Variants in WDR48 observed in about 807,000 individuals in gnomAD.
WDR48 encodes WD repeat domain 48.
In WDR48, 22 loss-of-function variants were observed where a neutral mutation model predicts 94.0. That is an observed-to-expected ratio of 0.23 (90% CI 0.17 to 0.33). The LOEUF is 0.33. WDR48 is among the 10% of genes least tolerant of loss of function. WDR48 has a pLI of 1.00. For missense variants in WDR48, 541 were observed against 813.8 expected (o/e 0.66, Z 4.08); for synonymous variants, 278 against 280.5 (o/e 0.99, Z 0.09).
At chr3:39,052,253 C>A in intron 1 of WDR48, 180 bp downstream of exon 1, 1 of 702,544 alleles carries the variant, frequency 1.4e-6, no homozygotes, top group Non-Finnish European at 2.3e-6. Context: ...GGGCGGGGGT[C>A]GGCTTGCTTG....
chr3:39,057,159 G>A (rs573503179), intron 1 of WDR48, among the ~76,000 whole-genome samples: 2 of 152,230 alleles, frequency 1.3e-5, no homozygotes, highest in Non-Finnish European at 2.9e-5. Flanking sequence ...AATATAGCAC[G>A]GATTATTTGT....
rs770062368 is a variant in WDR48, at chr3:39,066,694, C to G, written c.352-52C>G. Reference sequence around the variant, plus strand: ...TGGGATCTCAGTACTTTGTGTGGCTCATTTTATTACTGATCTACAGAATAG... The same window carrying G: ...TGGGATCTCAGTACTTTGTGTGGCTGATTTTATTACTGATCTACAGAATAG... On this transcript the variant is annotated intron_variant, in intron 4 of 18. Transcript: ENST00000302313. 1.9e-6 allele frequency: 3 copies of G among 1,613,246 alleles called. No homozygotes were observed. In the South Asian group the frequency reaches 3.3e-5, roughly 18 times the overall value.
At chr3:39,091,571 T>C in intron 16 of WDR48, 54 bp from the exon 17 acceptor site, 1 of 1,322,684 alleles carries the variant, frequency 7.6e-7, no homozygotes, top group South Asian at 1.4e-5. Flanking sequence ...TAACATTATT[T>C]TCATTTATCA....
At chr3:39,093,725 C>A (rs1455496418) in intron 17 of WDR48, 149 bp from the exon 18 acceptor site, 8 of 846,134 alleles carry the variant, frequency 9.5e-6, no homozygotes, top group Middle Eastern at 3.8e-4. Context: ...AATCTTTCCG[C>A]AGCTCTAAAA....
At chr3:39,052,224 C>T (rs1279433111) in intron 1 of WDR48, 151 bp downstream of exon 1, 4 of 884,132 alleles carry the variant, frequency 4.5e-6, no homozygotes, top group African/African-American at 1.8e-5. Flanking sequence ...GGGGCCGCGG[C>T]GCTAACGGCT....
At chr3:39,094,306 G>A in intron 18 of WDR48, 1 of 1,424,118 alleles carries the variant, frequency 7.0e-7, no homozygotes, top group African/African-American at 1.4e-5. Context: ...AAGACACATG[G>A]TCTTCTTGAT....
intron 11 of WDR48, among the ~76,000 whole-genome samples, chr3:39,081,869 T>A (rs560134842): frequency 6.6e-6 from 1 of 152,328 alleles, no homozygotes; most frequent in African/African-American, 2.4e-5. Flanking sequence ...ACATCATGAT[T>A]GGCATTTCTG....
intron 15 of WDR48, among the ~76,000 whole-genome samples, chr3:39,088,955 C>A (rs545989925): frequency 1.3e-5 from 2 of 152,146 alleles, no homozygotes; most frequent in African/African-American, 2.4e-5. Context: ...TTACTGGGTG[C>A]TTTGCTTGCA....
At chr3:39,090,587 T>C (rs1255630635) in intron 16 of WDR48, 2 of 152,226 alleles carry the variant, frequency 1.3e-5, no homozygotes, top group Non-Finnish European at 2.9e-5. Flanking sequence ...GTCTTCTGTT[T>C]GGTGTGAAGT....
intron 9 of WDR48, 58 bp from the exon 10 acceptor site, chr3:39,078,079 C>G: frequency 1.5e-6 from 2 of 1,320,628 alleles, no homozygotes; most frequent in Non-Finnish European, 1.1e-6. Flanking sequence ...CCACTTTAAA[C>G]AGGCTGGCAA....
Position 39,094,975 on chromosome 3 carries a change from C to T in WDR48, c.*232C>T. ...GCAGAGTGCAAGAGCAGAAGAGCCC[C>T]AAGCAGACTATGTCTTTCAAGATGT... On this transcript the variant is annotated 3_prime_UTR_variant, in exon 19 of 19. Transcript: ENST00000302313. 1.8e-6 allele frequency: 1 copy of T among 571,398 alleles called. No homozygotes were observed. Among genetic ancestry groups the T allele is most frequent in the East Asian group, 2.9e-5 (1 of 34,098 alleles). 35.4% of individuals were successfully genotyped at this position (571,398 alleles called of 1,614,324 possible). A position where few individuals can be genotyped will look rare whatever the true frequency, so the allele number is the denominator to read the frequency against.
At chr3:39,088,031 T>A in intron 14 of WDR48, 97 bp from the exon 15 acceptor site, 1 of 1,154,494 alleles carries the variant, frequency 8.7e-7, no homozygotes, top group African/African-American at 1.5e-5. Context: ...CATTTGAATT[T>A]AATCTTGCAA....
rs564244300 is a variant in WDR48, at chr3:39,091,767, C to T, written c.1745+66C>T. The stretch of plus-strand genomic sequence containing the variant: ...AGAGAATTCCTTTTCCTTATGATTG[C>T]TTTTATAGCAAAGGAAGCAAATACC... On this transcript the variant is annotated intron_variant, in intron 17 of 18. Coordinates refer to ENST00000302313, the MANE Select transcript of WDR48 (RefSeq NM_020839.4). 6.7e-5 allele frequency: 89 copies of T among 1,322,370 alleles called. No individual in the cohort carries two copies. The South Asian group carries it at 1.2e-3, about 18-fold the overall frequency. 81.9% of individuals were successfully genotyped at this position (1,322,370 alleles called of 1,614,324 possible).
intron 16 of WDR48, 71 bp from the exon 17 acceptor site, chr3:39,091,554 T>C (rs1216151084): frequency 8.7e-7 from 1 of 1,152,806 alleles, no homozygotes; most frequent in Non-Finnish European, 1.2e-6. Context: ...AAGTCATGTT[T>C]TCCTATTAAC....
At position 39,088,250 on chromosome 3, in the gene WDR48, CAA is replaced by C; in HGVS notation, c.1580+18_1580+19del. On this transcript the variant is annotated intron_variant, in intron 15 of 18. Transcript: ENST00000302313. The stretch of plus-strand genomic sequence containing the variant: ...ACTGTTCAGGTATGGGTAAGAAAGA[CAA>C]GAGGTTCTGCCTGAGAAGGTATCCC... The C allele has an allele frequency of 3.7e-6, 6 of 1,611,966 alleles. No individual in the cohort carries two copies. The highest frequency in any genetic ancestry group is 5.1e-6 in the Non-Finnish European group (6 of 1,178,368).
chr3:39,072,377 C>CT (rs934071089), intron 7 of WDR48, among the ~76,000 whole-genome samples: 4 of 152,162 alleles, frequency 2.6e-5, no homozygotes, highest in Non-Finnish European at 4.4e-5. Context: ...TCAAAGGGTT[C>CT]TTTTGGTAAT....
In WDR48 at chr3:39,052,082, G is replaced by A. The variant is rs201155629; in HGVS notation, c.48+9G>A. The stretch of plus-strand genomic sequence containing the variant: ...GGCGGAGGAAAGTGCAGGTATGGAA[G>A]CCCGGTTCCTCGGTCTTCCGGACGC... On this transcript the variant is annotated intron_variant, in intron 1 of 18. Coordinates refer to ENST00000302313, the MANE Select transcript of WDR48 (RefSeq NM_020839.4). 2 of 1,613,506 alleles carry A rather than the reference G, an allele frequency of 1.2e-6. No homozygotes were observed. Among genetic ancestry groups the A allele is most frequent in the Non-Finnish European group, 1.7e-6 (2 of 1,179,822 alleles).
intron 9 of WDR48, among the ~76,000 whole-genome samples, 183 bp downstream of exon 9, chr3:39,077,396 T>C (rs1239668684): frequency 6.6e-6 from 1 of 152,176 alleles, no homozygotes; most frequent in African/African-American, 2.4e-5. Flanking sequence ...ATTAAGATAA[T>C]AGTCAAAATG....
chr3:39,061,341 CAT>C (rs1310677063), intron 1 of WDR48, among the ~76,000 whole-genome samples: 1 of 144,392 alleles, frequency 6.9e-6, no homozygotes, highest in Non-Finnish European at 1.5e-5. Flanking sequence ...CGAGTGAGAA[CAT>C]GTGGTGTTTG....
Sources: allele counts gnomAD v4.1 joint callset (sites outside exome capture counted in the v4.1 genomes callset), GRCh38; gene constraint gnomAD v4.1.1; transcripts MANE v1.5; gene names NCBI Gene and HGNC (gene_info 2026-07-23, HGNC 2026-07-21).